Variants in ZNF385D observed in about 807,000 individuals in gnomAD.
The protein encoded by ZNF385D is zinc finger protein 659.
In ZNF385D, 15 loss-of-function variants were observed where a neutral mutation model predicts 35.8. The ratio of observed to expected loss-of-function variants is 0.42; its 90% CI spans 0.28 to 0.64. The LOEUF is 0.64. Among genes scored for constraint, ZNF385D ranks in the 30% least tolerant of loss-of-function variants. The probability of loss-of-function intolerance (pLI) is 0.23; values close to 1 mark genes in which losing one functional copy is unlikely to be tolerated. For synonymous variants in ZNF385D, 212 were observed against 186.8 expected (o/e 1.13, Z -1.10); for missense variants, 474 against 494.6 (o/e 0.96, Z 0.39).
At chr3:21,636,451 G>C (rs2065453512) in intron 2 of ZNF385D, among the ~76,000 whole-genome samples, 1 of 128,312 alleles carries the variant, frequency 7.8e-6, no homozygotes, top group African/African-American at 3.0e-5. Flanking sequence ...ACGATCACAA[G>C]ATACCACAAT....
At chr3:22,279,581 T>TATACATATGTACATATATATGTATATACA in intron 2 of ZNF385D, among the ~76,000 whole-genome samples, 1 of 143,114 alleles carries the variant, frequency 7.0e-6, no homozygotes, top group South Asian at 2.1e-4. Flanking sequence ...TGTATATACA[T>TATACATATGTACATATATATGTATATACA]ATACATATGT....
intron 4 of ZNF385D, among the ~76,000 whole-genome samples, chr3:21,489,144 A>T (rs184575034): frequency 6.6e-6 from 1 of 152,092 alleles, no homozygotes; most frequent in African/African-American, 2.4e-5. Context: ...ACTAACAGAA[A>T]CACACACACA....
At position 21,762,178 on chromosome 3, in the gene ZNF385D, G is replaced by C. The variant is rs1171620162; in HGVS notation, c.326-97150C>G. Among the ~76,000 whole-genome samples the C allele has an allele frequency of 4.6e-5, 7 of 151,926 alleles. No individual in the cohort carries two copies. In the East Asian group the frequency reaches 1.4e-3, roughly 29 times the overall value. On this transcript the variant is annotated intron_variant, in intron 3 of 5. Transcript: ENST00000494108. The stretch of plus-strand genomic sequence containing the variant: ...AGGCGTGAGTCGCTGTGCTCAGTCT[G>C]TCTTCCCTTTTTTATTTTCTAATAT...
intron 4 of ZNF385D, chr3:21,459,349 A>G (rs894063006): frequency 6.6e-6 from 1 of 152,138 alleles, no homozygotes; most frequent in South Asian, 2.1e-4. Flanking sequence ...CCAGATGGTG[A>G]ATCTCAAAAG....
chr3:21,699,053 G>A (rs1401007321), intron 1 of ZNF385D, among the ~76,000 whole-genome samples: 2 of 152,088 alleles, frequency 1.3e-5, no homozygotes, highest in Non-Finnish European at 2.9e-5. Flanking sequence ...GTTTATTGTG[G>A]CACTGTTCAC....
intron 3 of ZNF385D, among the ~76,000 whole-genome samples, chr3:21,525,435 C>T (rs1708162534): frequency 6.6e-6 from 1 of 152,000 alleles, no homozygotes; most frequent in South Asian, 2.1e-4. Flanking sequence ...TGCCTGTAAT[C>T]CCAGCACTTT....
intron 3 of ZNF385D, among the ~76,000 whole-genome samples, chr3:21,968,644 A>T (rs1266297509): frequency 6.6e-6 from 1 of 152,110 alleles, no homozygotes; most frequent in Non-Finnish European, 1.5e-5. Context: ...TCTTGAAGCA[A>T]AGGGCCAAGT....
chr3:21,927,762 A>G (rs1700804015), intron 3 of ZNF385D, among the ~76,000 whole-genome samples: 1 of 152,312 alleles, frequency 6.6e-6, no homozygotes, highest in South Asian at 2.1e-4. Flanking sequence ...AAACTAGGGG[A>G]CATTTTATTA....
At chr3:22,070,437 T>G (rs768513015) in intron 3 of ZNF385D, among the ~76,000 whole-genome samples, 4 of 152,148 alleles carry the variant, frequency 2.6e-5, no homozygotes, top group South Asian at 4.1e-4. Context: ...TGGTAGACAT[T>G]GCTAATTGTT....
chr3:21,760,447 A>G (rs1163280317), intron 3 of ZNF385D, among the ~76,000 whole-genome samples: 3 of 150,756 alleles, frequency 2.0e-5, no homozygotes, highest in African/African-American at 7.2e-5. Flanking sequence ...AAAGGTAAAC[A>G]AAGATTCACC....
chr3:22,012,323 A>T (rs1696627700), intron 3 of ZNF385D, among the ~76,000 whole-genome samples: 1 of 152,154 alleles, frequency 6.6e-6, no homozygotes, highest in Non-Finnish European at 1.5e-5. Flanking sequence ...ACTAACAACT[A>T]AGATAAAATG....
At position 22,064,852 on chromosome 3, in the gene ZNF385D, T is replaced by C. The variant is rs971047428; in HGVS notation, c.325+103965A>G. Among the ~76,000 whole-genome samples the C allele has an allele frequency of 1.3e-5, 2 of 152,298 alleles. 1 individual carries two copies. The highest frequency in any genetic ancestry group is 4.2e-4 in the South Asian group (2 of 4,816). The stretch of plus-strand genomic sequence containing the variant: ...TTCAGTTAGAGAGGAGGAAGAATCT[T>C]TAGTGATCTATTGCACAGCATGGTG... On this transcript the variant is annotated intron_variant, in intron 3 of 5. Coordinates refer to the ZNF385D transcript ENST00000494108.
intron 2 of ZNF385D, among the ~76,000 whole-genome samples, chr3:21,618,482 A>G (rs966300165): frequency 1.3e-5 from 2 of 152,136 alleles, no homozygotes; most frequent in Non-Finnish European, 2.9e-5. Context: ...TGCTGTTTCT[A>G]CTCATCGTGT....
chr3:21,636,612 T>C (rs1256481185), intron 2 of ZNF385D, among the ~76,000 whole-genome samples: 1 of 151,590 alleles, frequency 6.6e-6, no homozygotes, highest in African/African-American at 2.4e-5. Flanking sequence ...TTCAGGTTCT[T>C]CTGCCTGCTT....
At chr3:22,091,924 A>G (rs1021111964) in intron 3 of ZNF385D, among the ~76,000 whole-genome samples, 2 of 152,164 alleles carry the variant, frequency 1.3e-5, no homozygotes, top group African/African-American at 4.8e-5. Flanking sequence ...GAATTTGAGG[A>G]GTAATTAATA....
Position 22,321,175 on chromosome 3 carries a change from T to TG in ZNF385D, c.106+51274_106+51275insC, listed in dbSNP as rs1297810461. Among the ~76,000 whole-genome samples the TG allele has an allele frequency of 1.4e-4, 21 of 148,310 alleles. 1 individual carries two copies. Among genetic ancestry groups the TG allele is most frequent in the African/African-American group, 5.3e-4 (21 of 39,734 alleles). Reference sequence around the variant, plus strand: ...ACACTTATGACCTTGTTTTTTTTTTTTTTTTTTTTTCATTTTCTGGCATCT... The same window carrying TG: ...ACACTTATGACCTTGTTTTTTTTTTTGTTTTTTTTTTCATTTTCTGGCATCT... On this transcript the variant is annotated intron_variant, in intron 2 of 5. Transcript: ENST00000494108.
intron 3 of ZNF385D, among the ~76,000 whole-genome samples, chr3:21,976,695 C>T (rs544459913): frequency 6.6e-6 from 1 of 152,220 alleles, no homozygotes; most frequent in Middle Eastern, 3.4e-3. Context: ...TTATTTTGCA[C>T]TGAGAAATAA....
intron 2 of ZNF385D, among the ~76,000 whole-genome samples, chr3:21,643,318 T>C (rs956202667): frequency 2.0e-5 from 3 of 152,002 alleles, no homozygotes; most frequent in African/African-American, 7.2e-5. Context: ...AAAGCTAGCA[T>C]TGGTTGTTAA....
At chr3:22,321,597 C>G (rs1480380132) in intron 2 of ZNF385D, among the ~76,000 whole-genome samples, 1 of 152,030 alleles carries the variant, frequency 6.6e-6, no homozygotes, top group African/African-American at 2.4e-5. Flanking sequence ...GATCTCCTGA[C>G]CTCGTGATCC....
Sources: gnomAD v4.1 joint callset for allele counts (sites outside exome capture counted in the v4.1 genomes callset) on GRCh38, gnomAD v4.1.1 for gene constraint, MANE v1.5 for transcripts, NCBI Gene and HGNC (gene_info 2026-07-23, HGNC 2026-07-21) for gene names.